SPATA6: variants seen among roughly 807,000 people sequenced by gnomAD.
SPATA6 encodes the protein spermatogenesis associated 6, also known as spermatogenesis-associated protein 6.
In SPATA6, 56 loss-of-function variants were observed where a neutral mutation model predicts 65.3. The observed-to-expected ratio is 0.86, with a 90% CI of 0.69 to 1.07. The LOEUF (loss-of-function observed/expected upper bound fraction) is 1.07. Among genes scored for constraint, SPATA6 ranks in the 50% least tolerant of loss-of-function variants. The probability of loss-of-function intolerance (pLI) is 0.00; values close to 1 mark genes in which losing one functional copy is unlikely to be tolerated. For synonymous variants in SPATA6, 199 were observed against 213.2 expected, an observed-to-expected ratio of 0.93 and a Z score of 0.58; for missense variants, 590 against 594.8, an observed-to-expected ratio of 0.99 and a Z score of 0.08.
chr1:48,316,945 C>T (rs1390069656), intron 11 of SPATA6, among the ~76,000 whole-genome samples: 37 of 152,122 alleles, frequency 2.4e-4, no homozygotes, highest in Non-Finnish European at 8.8e-5. Flanking sequence ...TCATCACTGG[C>T]CATCAGAGAA....
chr1:48,467,739 G>A (rs1402420133), intron 1 of SPATA6, among the ~76,000 whole-genome samples: 1 of 152,036 alleles, frequency 6.6e-6, no homozygotes, highest in Non-Finnish European at 1.5e-5. Context: ...TTTAAAAATG[G>A]GCAAGAGGTC....
At chr1:48,470,473 G>A (rs1277192946) in intron 1 of SPATA6, among the ~76,000 whole-genome samples, 4 of 152,158 alleles carry the variant, frequency 2.6e-5, no homozygotes, top group African/African-American at 9.7e-5. Flanking sequence ...AAAAATGGCA[G>A]CTTTGGGAGG....
At chr1:48,288,748 C>G in the SPATA6 span, among the ~76,000 whole-genome samples, 4 of 152,210 alleles carry the variant, frequency 2.6e-5, no homozygotes, top group African/African-American at 9.6e-5. Context: ...TCACTCATTG[C>G]TAGCACAGCA....
chr1:48,377,404 C>T (rs965345254), intron 9 of SPATA6, among the ~76,000 whole-genome samples: 1 of 152,140 alleles, frequency 6.6e-6, no homozygotes, highest in African/African-American at 2.4e-5. Flanking sequence ...GCCACTGAAC[C>T]TTAATGAATG....
At chr1:48,341,578 C>T (rs1646216390) in intron 11 of SPATA6, among the ~76,000 whole-genome samples, 1 of 152,084 alleles carries the variant, frequency 6.6e-6, no homozygotes, top group Non-Finnish European at 1.5e-5. Flanking sequence ...GTGATGCTGG[C>T]CATTTGGATA....
At chr1:48,391,181 A>G (rs1650022893) in intron 8 of SPATA6, among the ~76,000 whole-genome samples, 1 of 146,944 alleles carries the variant, frequency 6.8e-6, no homozygotes, top group African/African-American at 2.5e-5. Context: ...CCTAGGCAAC[A>G]TGGTGAAACC....
chr1:48,351,704 T>A (rs1033520307), intron 11 of SPATA6, among the ~76,000 whole-genome samples: 1 of 152,090 alleles, frequency 6.6e-6, no homozygotes, highest in African/African-American at 2.4e-5. Context: ...AATTTTTGTA[T>A]ATACATTCAT....
chr1:48,468,588 G>C (rs1657981409), intron 1 of SPATA6, among the ~76,000 whole-genome samples: 1 of 152,094 alleles, frequency 6.6e-6, no homozygotes, highest in Admixed American at 6.5e-5. Context: ...GAATGGACCT[G>C]AAAGGGGAAC....
intron 11 of SPATA6, among the ~76,000 whole-genome samples, chr1:48,316,337 A>G (rs1408190844): frequency 6.6e-6 from 1 of 152,210 alleles, no homozygotes; most frequent in African/African-American, 2.4e-5. Context: ...AAACAGAGAT[A>G]TAGACCAATG....
intron 9 of SPATA6, among the ~76,000 whole-genome samples, chr1:48,376,022 TA>T (rs1647854760): frequency 6.6e-6 from 1 of 152,156 alleles, no homozygotes; most frequent in Non-Finnish European, 1.5e-5. Context: ...CAAGGCAAAT[TA>T]AAAATATAAA....
chr1:48,457,048 T>C (rs772867202), intron 1 of SPATA6, among the ~76,000 whole-genome samples: 3 of 150,202 alleles, frequency 2.0e-5, no homozygotes, highest in Non-Finnish European at 4.4e-5. Flanking sequence ...CTGGGCAACA[T>C]AGTGAGAGCC....
At chr1:48,404,746 T>G (rs1651533544) in intron 5 of SPATA6, among the ~76,000 whole-genome samples, 1 of 152,230 alleles carries the variant, frequency 6.6e-6, no homozygotes, top group South Asian at 2.1e-4. Context: ...CCAACATTTT[T>G]TCCTATAATG....
At chr1:48,330,192 G>A (rs1645876100) in intron 11 of SPATA6, among the ~76,000 whole-genome samples, 1 of 152,116 alleles carries the variant, frequency 6.6e-6, no homozygotes, top group African/African-American at 2.4e-5. Flanking sequence ...GCTGGACAAT[G>A]CTTACTAGAG....
At chr1:48,417,191 G>T (rs922864578) in intron 3 of SPATA6, among the ~76,000 whole-genome samples, 1 of 152,136 alleles carries the variant, frequency 6.6e-6, no homozygotes, top group African/African-American at 2.4e-5. Flanking sequence ...AACACAAAAT[G>T]TTCAAAGTAA....
chr1:48,428,237 C>T (rs1231100703), intron 3 of SPATA6, among the ~76,000 whole-genome samples: 1 of 152,136 alleles, frequency 6.6e-6, no homozygotes, highest in African/African-American at 2.4e-5. Flanking sequence ...GGCAGATCAC[C>T]TGAAGTCAGG....
intron 2 of SPATA6, among the ~76,000 whole-genome samples, chr1:48,452,387 CT>C (rs11289564): frequency 0.22 from 31,149 of 142,538 alleles, 3,296 homozygotes; most frequent in Admixed American, 0.29. Context: ...ATCATATATT[CT>C]TTTTTTTTTT....
chr1:48,370,845 G>A (rs1372768526), intron 9 of SPATA6, among the ~76,000 whole-genome samples: 3 of 152,126 alleles, frequency 2.0e-5, no homozygotes, highest in Non-Finnish European at 1.5e-5. Context: ...AGCCTAACAG[G>A]ATTTCTACAA....
chr1:48,308,989 G>C (rs557625865), intron 11 of SPATA6, among the ~76,000 whole-genome samples: 1 of 152,198 alleles, frequency 6.6e-6, no homozygotes, highest in Non-Finnish European at 1.5e-5. Context: ...GGGCTCAAGT[G>C]ATTCTCCCAT....
At chr1:48,359,854 A>AT in intron 9 of SPATA6, 84 bp from the exon 10 acceptor site, 42 of 1,093,626 alleles carry the variant, frequency 3.8e-5, no homozygotes, top group Non-Finnish European at 5.0e-5. Flanking sequence ...TAGTATGCAT[A>AT]GTAGTCATAT....
Sources: gnomAD v4.1 joint callset for allele counts (sites outside exome capture counted in the v4.1 genomes callset) on GRCh38, gnomAD v4.1.1 for gene constraint, MANE v1.5 for transcripts, NCBI Gene and HGNC (gene_info 2026-07-23, HGNC 2026-07-21) for gene names.